Variants in CACNB4 observed in about 807,000 individuals in gnomAD.
CACNB4 encodes calcium voltage-gated channel auxiliary subunit beta 4, also known as voltage-dependent L-type calcium channel subunit beta-4.
In CACNB4, 32 loss-of-function variants were observed where a neutral mutation model predicts 71.2. The observed-to-expected ratio is 0.45, with a 90% CI of 0.34 to 0.60. The LOEUF (loss-of-function observed/expected upper bound fraction) is 0.60. Ranked by LOEUF, CACNB4 falls within the 20% of genes least tolerant of loss-of-function variation. CACNB4 has a pLI of 0.01. For missense variants in CACNB4, 464 were observed against 647.9 expected, an observed-to-expected ratio of 0.72 and a Z score of 3.08; for synonymous variants, 231 against 236.9, an observed-to-expected ratio of 0.97 and a Z score of 0.23.
At chr2:151,923,320 G>A (rs1221265655) in intron 2 of CACNB4, among the ~76,000 whole-genome samples, 1 of 152,184 alleles carries the variant, frequency 6.6e-6, no homozygotes, top group Non-Finnish European at 1.5e-5. Flanking sequence ...TGCCCTCTCA[G>A]TTGCATAGGG....
At chr2:151,846,239 T>C (rs910813938) in intron 12 of CACNB4, among the ~76,000 whole-genome samples, 2 of 152,132 alleles carry the variant, frequency 1.3e-5, no homozygotes, top group African/African-American at 4.8e-5. Flanking sequence ...TCTGAGCAAA[T>C]GGTGGGTCAC....
intron 2 of CACNB4, among the ~76,000 whole-genome samples, chr2:152,017,518 C>T (rs962559479): frequency 1.3e-5 from 2 of 151,482 alleles, no homozygotes; most frequent in Non-Finnish European, 2.9e-5. Context: ...CCCATCCTGG[C>T]TAAGACGGTG....
chr2:151,901,371 G>A (rs2099853381), intron 2 of CACNB4, among the ~76,000 whole-genome samples: 1 of 152,114 alleles, frequency 6.6e-6, no homozygotes, highest in African/African-American at 2.4e-5. Flanking sequence ...GAGACAAGGA[G>A]AAACTAATAT....
intron 2 of CACNB4, among the ~76,000 whole-genome samples, chr2:152,050,303 C>T (rs748869237): frequency 2.6e-4 from 39 of 152,198 alleles, no homozygotes; most frequent in South Asian, 6.2e-4. Flanking sequence ...ATTGATGAAG[C>T]GGACACAACC....
chr2:152,007,952 A>C (rs1682825727), intron 2 of CACNB4, among the ~76,000 whole-genome samples: 1 of 151,802 alleles, frequency 6.6e-6, no homozygotes, highest in Admixed American at 6.6e-5. Context: ...TTGTATTTTT[A>C]GTAGAGACAG....
intron 2 of CACNB4, among the ~76,000 whole-genome samples, chr2:152,087,863 T>G (rs778541583): frequency 2.6e-5 from 4 of 151,964 alleles, no homozygotes; most frequent in South Asian, 4.1e-4. Flanking sequence ...CCAGCCTGGG[T>G]GACAGAGCGA....
chr2:152,053,373 GTGC>G (rs1417939190), intron 2 of CACNB4, among the ~76,000 whole-genome samples: 2 of 152,208 alleles, frequency 1.3e-5, no homozygotes, highest in Non-Finnish European at 1.5e-5. Flanking sequence ...TGCTGAGTTT[GTGC>G]CTAGAGGGTG....
At chr2:152,037,105 G>A (rs1237282843) in intron 2 of CACNB4, among the ~76,000 whole-genome samples, 3 of 152,166 alleles carry the variant, frequency 2.0e-5, no homozygotes, top group African/African-American at 7.2e-5. Flanking sequence ...TCTTGCGGGG[G>A]CATAGGTTCC....
intron 2 of CACNB4, among the ~76,000 whole-genome samples, chr2:151,896,516 G>A (rs184354494): frequency 5.9e-5 from 9 of 152,136 alleles, no homozygotes; most frequent in Non-Finnish European, 8.8e-5. Flanking sequence ...TGCTTTCCTC[G>A]TTTGACTTTT....
At position 152,052,154 on chromosome 2, in the gene CACNB4, C is replaced by T. The variant is rs116313574; in HGVS notation, c.147+46176G>A. Among the ~76,000 whole-genome samples, 381 of 152,330 alleles carry T rather than the reference C, an allele frequency of 2.5e-3. 1 individual carries two copies. The highest frequency in any genetic ancestry group is 8.9e-3 in the African/African-American group (368 of 41,576). The stretch of plus-strand genomic sequence containing the variant: ...TACTGAACATCATAGCTTAGTCTAG[C>T]CTACCTTAAGTGTGCTCAGAATACA... On this transcript the variant is annotated intron_variant, in intron 2 of 13. Transcript: ENST00000539935.
rs972757994 is a variant in CACNB4, at chr2:151,844,239, T to G, written c.1117-2151A>C. On this transcript the variant is annotated intron_variant, in intron 12 of 13. Coordinates refer to ENST00000539935, the MANE Select transcript of CACNB4 (RefSeq NM_000726.5). ...GTATTAAAATCCATAATAATCTATGTCACACTGGGACTTTAATTCAGAAAA... is the reference window on the plus strand; with the variant it reads ...GTATTAAAATCCATAATAATCTATGGCACACTGGGACTTTAATTCAGAAAA... Among the ~76,000 whole-genome samples, 15 of 152,320 alleles carry G rather than the reference T, an allele frequency of 9.8e-5. No homozygotes were observed. The East Asian group carries it at 1.7e-3, about 18-fold the overall frequency.
intron 2 of CACNB4, among the ~76,000 whole-genome samples, chr2:151,988,897 A>G (rs1353431094): frequency 2.0e-5 from 3 of 152,110 alleles, no homozygotes; most frequent in African/African-American, 7.2e-5. Context: ...CACCCCTTCC[A>G]TATCTATTAT....
chr2:152,083,454 G>C (rs1051248098), intron 2 of CACNB4, among the ~76,000 whole-genome samples: 9 of 152,120 alleles, frequency 5.9e-5, no homozygotes, highest in African/African-American at 1.9e-4. Context: ...AAGCCTAACT[G>C]GACAGGATCG....
intron 2 of CACNB4, among the ~76,000 whole-genome samples, chr2:152,003,437 T>C (rs1438590027): frequency 1.3e-5 from 2 of 150,700 alleles, no homozygotes; most frequent in Non-Finnish European, 3.0e-5. Flanking sequence ...CAGACCAAGA[T>C]TCCATCTAAA....
In CACNB4 at chr2:151,960,751, G is replaced by A. The variant is rs889686538; in HGVS notation, c.148-77381C>T. ...ATGAATCTACTCCCTTCCACATTTT[G>A]TAAGTCTTAGCAATGGAAAGTAAGG... On this transcript the variant is annotated intron_variant, in intron 2 of 13. Transcript: ENST00000539935. Among the ~76,000 whole-genome samples, 2 of 152,118 alleles carry A rather than the reference G, an allele frequency of 1.3e-5. 1 individual carries two copies. The highest frequency in any genetic ancestry group is 1.3e-4 in the Admixed American group (2 of 15,260).
intron 2 of CACNB4, among the ~76,000 whole-genome samples, chr2:151,893,216 C>A (rs1253265871): frequency 6.6e-6 from 1 of 150,682 alleles, no homozygotes; most frequent in Admixed American, 6.6e-5. Flanking sequence ...CTGAGCTAGC[C>A]AACTGGAAAA....
At chr2:151,896,616 C>G (rs749841520) in intron 2 of CACNB4, among the ~76,000 whole-genome samples, 1 of 152,206 alleles carries the variant, frequency 6.6e-6, no homozygotes, top group Non-Finnish European at 1.5e-5. Context: ...GGCCCATACT[C>G]TTTCCTGGGG....
At chr2:151,978,145 G>T (rs1228085073) in intron 2 of CACNB4, among the ~76,000 whole-genome samples, 1 of 150,650 alleles carries the variant, frequency 6.6e-6, no homozygotes, top group Non-Finnish European at 1.5e-5. Flanking sequence ...ACAGACAACA[G>T]ATTCCACTTC....
At chr2:152,075,377 C>A (rs896855131) in intron 2 of CACNB4, among the ~76,000 whole-genome samples, 1 of 152,094 alleles carries the variant, frequency 6.6e-6, no homozygotes, top group Non-Finnish European at 1.5e-5. Flanking sequence ...CATATCACTG[C>A]AAAACAATGT....
Sources: allele counts gnomAD v4.1 joint callset (sites outside exome capture counted in the v4.1 genomes callset), GRCh38; gene constraint gnomAD v4.1.1; transcripts MANE v1.5; gene names NCBI Gene and HGNC (gene_info 2026-07-23, HGNC 2026-07-21).